The following BSND variants were observed in gnomAD, a reference collection of about 807,000 sequenced individuals.
BSND encodes barttin CLCNK type accessory subunit beta, also known as barttin.
BSND carries 13 observed loss-of-function variants against 18.8 expected under a neutral mutation model. That is an observed-to-expected ratio of 0.69 (90% CI 0.45 to 1.10). The LOEUF (loss-of-function observed/expected upper bound fraction) is 1.10. Among genes scored for constraint, BSND ranks in the 50% least tolerant of loss-of-function variants. The pLI is 0.00. For synonymous variants in BSND, 170 were observed against 161.8 expected (o/e 1.05, Z -0.39); for missense variants, 379 against 416.7 (o/e 0.91, Z 0.79).
chr1:55,001,187 G>A (rs1644359648), intron 1 of BSND, among the ~76,000 whole-genome samples: 2 of 150,532 alleles, frequency 1.3e-5, no homozygotes, highest in East Asian at 3.9e-4. Context: ...CTGATTGGGA[G>A]AACACAGTGG....
At position 55,016,150 on chromosome 1, in the gene BSND, T is replaced by G. The variant is rs1644450272; in HGVS notation, c.*7522T>G. Among the ~76,000 whole-genome samples the G allele has an allele frequency of 6.6e-6, 1 of 152,176 alleles. No individual in the cohort carries two copies. The highest frequency in any genetic ancestry group is 1.5e-5 in the Non-Finnish European group (1 of 68,024). The stretch of plus-strand genomic sequence containing the variant: ...TACAGTTTCCATGGAAGGAGGGCTT[T>G]GCAGTGCTGAGAGCTGCCCAAAGAA... On this transcript the variant is annotated 3_prime_UTR_variant, in exon 4 of 4. Coordinates refer to ENST00000651561, the MANE Select transcript of BSND (RefSeq NM_057176.3).
intron 1 of BSND, among the ~76,000 whole-genome samples, chr1:55,002,612 G>A (rs894597344): frequency 6.6e-6 from 1 of 152,168 alleles, no homozygotes; most frequent in Non-Finnish European, 1.5e-5. Context: ...GTGTTCTGGT[G>A]GTCTCCATGG....
chr1:54,999,918 G>T (rs1644353248), intron 1 of BSND, among the ~76,000 whole-genome samples: 1 of 152,140 alleles, frequency 6.6e-6, no homozygotes, highest in South Asian at 2.1e-4. Context: ...TCTAACCTTG[G>T]TGGCATGCAC....
In BSND at chr1:55,014,347, G is replaced by A. The variant is rs1354901728; in HGVS notation, c.*5719G>A. On this transcript the variant is annotated 3_prime_UTR_variant, in exon 4 of 4. Coordinates refer to ENST00000651561, the MANE Select transcript of BSND (RefSeq NM_057176.3). ...TGGCCAGCTCTGTGACTTTGGCCAG[G>A]AGACTTAGCCTCTCTGGCCCTCAAT... 6.6e-6 allele frequency among the ~76,000 whole-genome samples: 1 copy of A among 152,230 alleles called. No homozygotes were observed. Among genetic ancestry groups the A allele is most frequent in the African/African-American group, 2.4e-5 (1 of 41,450 alleles).
rs145115310 is a variant in BSND at position 55,015,879 on chromosome 1, C to T, written c.*7251C>T. Among the ~76,000 whole-genome samples, 4 of 152,200 alleles carry T rather than the reference C, an allele frequency of 2.6e-5. No individual in the cohort carries two copies. Among genetic ancestry groups the T allele is most frequent in the African/African-American group, 9.6e-5 (4 of 41,458 alleles). On this transcript the variant is annotated 3_prime_UTR_variant, in exon 4 of 4. Transcript: ENST00000651561. ...TTCTCAGAGAGGAACTCCCACCAAG[C>T]TATGTCCTGAAGGATTCGCTAGGGA...
In BSND at chr1:55,008,518, G is replaced by T. The variant is rs1341966685; in HGVS notation, c.853G>T (p.Gly285Trp). ...VEEKEASDTG[G>W]EEPEKEEEDL... ...GGAGAAGGAGGCTTCGGACACAGGT[G>T]GGGAGGAACCTGAGAAGGAAGAGGA... Residue 285 changes from glycine (G) to tryptophan (W), a missense_variant, in exon 4 of 4, where the codon GGG (glycine) becomes TGG (tryptophan). Gly to Trp is a radical substitution (Grantham distance 184). Coordinates refer to ENST00000651561, the MANE Select transcript of BSND (RefSeq NM_057176.3). 6.2e-7 allele frequency: 1 copy of T among 1,614,234 alleles called. No homozygotes were observed. Among genetic ancestry groups the T allele is most frequent in the East Asian group, 2.2e-5 (1 of 44,876 alleles).
intron 1 of BSND, among the ~76,000 whole-genome samples, chr1:55,004,022 C>T (rs929897008): frequency 1.3e-5 from 2 of 152,206 alleles, no homozygotes; most frequent in East Asian, 1.9e-4. Context: ...CACTCTCTAG[C>T]CCCTGGCAAC....
chr1:55,005,093 T>C lies in BSND; in HGVS notation c.249T>C (p.Asn83=). The change falls in exon 2 of 4, where the codon AAT becomes AAC. Residue 83 remains asparagine, a synonymous_variant. Coordinates refer to ENST00000651561, the MANE Select transcript of BSND (RefSeq NM_057176.3). Reference sequence around the variant, plus strand: ...CAAAGGCCATGGGCCTGCTGGAGAATGGGCTTGCTGCCGAGATGAAGAGGT... The same window carrying C: ...CAAAGGCCATGGGCCTGCTGGAGAACGGGCTTGCTGCCGAGATGAAGAGGT... ...LSPKAMGLLE[N]GLAAEMKSPS... 1.2e-6 allele frequency: 2 copies of C among 1,614,142 alleles called. No individual in the cohort carries two copies. Among genetic ancestry groups the C allele is most frequent in the Non-Finnish European group, 1.7e-6 (2 of 1,180,012 alleles).
At position 55,014,254 on chromosome 1, in the gene BSND, C is replaced by T. The variant is rs1644438155; in HGVS notation, c.*5626C>T. Among the ~76,000 whole-genome samples, 1 of 152,240 alleles carries T rather than the reference C, an allele frequency of 6.6e-6. No individual in the cohort carries two copies. The highest frequency in any genetic ancestry group is 6.5e-5 in the Admixed American group (1 of 15,286). On this transcript the variant is annotated 3_prime_UTR_variant, in exon 4 of 4. Coordinates refer to ENST00000651561, the MANE Select transcript of BSND (RefSeq NM_057176.3). ...GCTCATGGCCCAGGGGCATGGACTC[C>T]TAGCCCAGGGCTGAGGAGCACCAGC...
chr1:55,007,401 AC>A (rs1644397374), intron 3 of BSND, 129 bp downstream of exon 3: 2 of 1,260,402 alleles, frequency 1.6e-6, no homozygotes, highest in Non-Finnish European at 2.1e-6. Context: ...GGTGTGGGAC[AC>A]CCTGAGATGT....
Position 55,013,939 on chromosome 1 carries a change from C to G in BSND, c.*5311C>G, listed in dbSNP as rs576205787. 6.6e-6 allele frequency among the ~76,000 whole-genome samples: 1 copy of G among 152,040 alleles called. No homozygotes were observed. The highest frequency in any genetic ancestry group is 3.2e-3 in the Middle Eastern group (1 of 316). ...TCCCCTTCTCTGTCATCCCTCAAACCCTACCTGTTCCCTGGAGCCTGAATT... is the reference window on the plus strand; with the variant it reads ...TCCCCTTCTCTGTCATCCCTCAAACGCTACCTGTTCCCTGGAGCCTGAATT... On this transcript the variant is annotated 3_prime_UTR_variant, in exon 4 of 4. Transcript: ENST00000651561.
chr1:54,999,302 C>A lies in BSND; in HGVS notation c.116C>A (p.Ala39Asp). ...DRPQVYGTFYAMGSVMVIGGI... is the reference protein window; with the variant it reads ...DRPQVYGTFYDMGSVMVIGGI... ...CCCCAGGTCTACGGCACCTTCTATG[C>A]CATGGGCAGCGTCATGGTGATCGGG... is the stretch of plus-strand genomic sequence containing the variant. The change falls in exon 1 of 4, where the codon GCC (alanine) becomes GAC (aspartate). Residue 39 changes from alanine to aspartate, a missense_variant. Physicochemically the swap from Ala to Asp is moderately radical, Grantham distance 126. Coordinates refer to ENST00000651561, the MANE Select transcript of BSND (RefSeq NM_057176.3). 6.2e-7 allele frequency: 1 copy of A among 1,614,038 alleles called. No homozygotes were observed. The highest frequency in any genetic ancestry group is 8.5e-7 in the Non-Finnish European group (1 of 1,179,976).
At chr1:55,007,387 G>A (rs1264431347) in intron 3 of BSND, 115 bp downstream of exon 3, 3 of 1,336,844 alleles carry the variant, frequency 2.2e-6, no homozygotes, top group Non-Finnish European at 3.0e-6. Flanking sequence ...AGAGGGCAGT[G>A]GAGGGTGTGG....
At position 55,007,138 on chromosome 1, in the gene BSND, G is replaced by A; in HGVS notation, c.414G>A (p.Gln138=). 1 of 1,614,218 alleles carries A rather than the reference G, an allele frequency of 6.2e-7. No individual in the cohort carries two copies. Among genetic ancestry groups the A allele is most frequent in the Admixed American group, 1.7e-5 (1 of 60,032 alleles). Residue 138 remains glutamine (Q), a synonymous_variant, in exon 3 of 4, where the codon CAG becomes CAA. Transcript: ENST00000651561. ...HRSLLAPEMG[Q]PKLGTSDGGE... ...CCTTGCTGGCCCCTGAGATGGGGCA[G>A]CCGAAGCTGGGAACCAGTGATGGAG...
chr1:55,008,169 TCTGA>T (rs1218935522), intron 3 of BSND, 41 bp from the exon 4 acceptor site: 2 of 1,567,512 alleles, frequency 1.3e-6, no homozygotes, highest in Non-Finnish European at 1.8e-6. Context: ...ACCCAGGCAT[TCTGA>T]CTCAGAGATA....
chr1:55,002,525 C>A (rs1036603629), intron 1 of BSND, among the ~76,000 whole-genome samples: 9 of 152,228 alleles, frequency 5.9e-5, no homozygotes, highest in Non-Finnish European at 4.4e-5. Context: ...AAACACAAAT[C>A]TGACAGTGTA....
chr1:55,004,982 C>T (rs1644382206), intron 1 of BSND, 40 bp from the exon 2 acceptor site: 1 of 1,588,734 alleles, frequency 6.3e-7, no homozygotes. Context: ...CCCCCCTACC[C>T]TGGTCAACTG....
At chr1:55,000,341 G>A (rs1644354917) in intron 1 of BSND, among the ~76,000 whole-genome samples, 1 of 152,114 alleles carries the variant, frequency 6.6e-6, no homozygotes, top group Non-Finnish European at 1.5e-5. Context: ...GGGAGAAAAG[G>A]AGGGAAATAG....
intron 1 of BSND, 54 bp downstream of exon 1, chr1:54,999,417 G>A (rs1238390686): frequency 6.4e-7 from 1 of 1,558,692 alleles, no homozygotes. Context: ...AGGAGGGCTG[G>A]ACACTGTGCC....
Sources: allele counts gnomAD v4.1 joint callset (sites outside exome capture counted in the v4.1 genomes callset), GRCh38; gene constraint gnomAD v4.1.1; transcripts MANE v1.5; gene names NCBI Gene and HGNC (gene_info 2026-07-23, HGNC 2026-07-21).